Variants in MRTFB observed in about 807,000 individuals in gnomAD.
MRTFB encodes the protein myocardin-related transcription factor B.
In MRTFB, 29 loss-of-function variants were observed where a neutral mutation model predicts 104.2. The observed-to-expected ratio is 0.28, with a 90% CI of 0.21 to 0.38. The LOEUF (loss-of-function observed/expected upper bound fraction) is 0.38, where lower values mean the gene tolerates loss of function less well. Among genes scored for constraint, MRTFB ranks in the 10% least tolerant of loss-of-function variants. The probability of loss-of-function intolerance (pLI) is 1.00; values close to 1 mark genes in which losing one functional copy is unlikely to be tolerated. For synonymous variants in MRTFB, 535 were observed against 519.5 expected (o/e 1.03, Z -0.41); for missense variants, 1,270 against 1,341.6 (o/e 0.95, Z 0.83).
chr16:14,191,466 T>C (rs1163221891), intron 3 of MRTFB, among the ~76,000 whole-genome samples: 1 of 152,230 alleles, frequency 6.6e-6, no homozygotes, highest in Non-Finnish European at 1.5e-5. Flanking sequence ...ATCTGTACCA[T>C]TCTATGGCAT....
rs771535495 is a variant in MRTFB at position 14,247,458 on chromosome 16, G to T, written c.2198G>T (p.Gly733Val). The change falls in exon 12 of 17, where the codon GGC (glycine) becomes GTC (valine). Residue 733 changes from glycine to valine, a missense_variant. By Grantham distance (109) the Gly-to-Val change is moderately radical (BLOSUM62 -3). Coordinates refer to ENST00000571589, the MANE Select transcript of MRTFB (RefSeq NM_001308142.2). ...CTGCTGCTCCCAGTGTCCATCCAGG[G>T]CTCGAGTGTCACCTCAGTGCAACTC... ...AQLLLPVSIQ[G>V]SSVTSVQLPV... 2 of 1,593,398 alleles carry T rather than the reference G, an allele frequency of 1.3e-6. No individual in the cohort carries two copies. Among genetic ancestry groups the T allele is most frequent in the South Asian group, 1.1e-5 (1 of 89,220 alleles).
At chr16:14,070,419 C>G (rs891312820), upstream of MRTFB, among the ~76,000 whole-genome samples, 9 of 152,216 alleles carry the variant, frequency 5.9e-5, no homozygotes, top group African/African-American at 2.2e-4. Flanking sequence ...TTTCTGTGTG[C>G]TAACATCATG....
upstream of MRTFB, among the ~76,000 whole-genome samples, chr16:14,069,267 A>G (rs1472064363): frequency 1.3e-5 from 2 of 149,182 alleles, no homozygotes; most frequent in African/African-American, 4.9e-5. Flanking sequence ...CACTGCGCCC[A>G]GCCCAGGTTC....
chr16:14,154,113 G>A (rs368716426), intron 3 of MRTFB, among the ~76,000 whole-genome samples: 7 of 152,266 alleles, frequency 4.6e-5, no homozygotes, highest in East Asian at 3.9e-4. Context: ...TGAGAAGATC[G>A]TTTGAACCCA....
chr16:14,181,247 T>C (rs2039761125), intron 3 of MRTFB, among the ~76,000 whole-genome samples: 1 of 152,190 alleles, frequency 6.6e-6, no homozygotes, highest in Non-Finnish European at 1.5e-5. Context: ...AACCATTTAG[T>C]AACAGTCTAA....
intron 2 of MRTFB, among the ~76,000 whole-genome samples, chr16:14,138,616 T>C (rs1178557728): frequency 6.6e-6 from 1 of 152,208 alleles, no homozygotes; most frequent in East Asian, 1.9e-4. Context: ...CTCAGTTCAG[T>C]TCTTTTTGCC....
chr16:14,257,298 C>A (rs992826026), intron 15 of MRTFB, among the ~76,000 whole-genome samples: 2 of 152,102 alleles, frequency 1.3e-5, no homozygotes, highest in African/African-American at 4.8e-5. Flanking sequence ...CACAAATGTT[C>A]ACAACAACTT....
chr16:14,090,479 C>G (rs1487669108), intron 2 of MRTFB, among the ~76,000 whole-genome samples: 1 of 152,148 alleles, frequency 6.6e-6, no homozygotes, highest in Non-Finnish European at 1.5e-5. Flanking sequence ...CTTTGCAGGG[C>G]TTGGGGATCC....
At chr16:14,259,744 G>C (rs1365139132) in intron 16 of MRTFB, among the ~76,000 whole-genome samples, 3 of 152,256 alleles carry the variant, frequency 2.0e-5, no homozygotes, top group African/African-American at 7.2e-5. Context: ...AACAGTGCAA[G>C]ACTCCGTCTC....
intron 15 of MRTFB, 134 bp from the exon 16 acceptor site, chr16:14,257,967 G>A: frequency 2.8e-6 from 2 of 722,714 alleles, no homozygotes; most frequent in East Asian, 2.8e-5. Context: ...AACTTCTCAG[G>A]TGACCTCAGT....
intron 2 of MRTFB, among the ~76,000 whole-genome samples, chr16:14,087,355 C>T (rs534886139): frequency 6.6e-6 from 1 of 152,258 alleles, no homozygotes; most frequent in South Asian, 2.1e-4. Context: ...GAGAAATTTC[C>T]TTCCTTCCTA....
chr16:14,129,427 A>T (rs1327504693), intron 2 of MRTFB, among the ~76,000 whole-genome samples: 1 of 152,216 alleles, frequency 6.6e-6, no homozygotes, highest in Non-Finnish European at 1.5e-5. Context: ...TCATTAGGAT[A>T]TACCACATTT....
intron 2 of MRTFB, among the ~76,000 whole-genome samples, chr16:14,103,636 T>G (rs2035816809): frequency 6.6e-6 from 1 of 152,164 alleles, no homozygotes; most frequent in African/African-American, 2.4e-5. Flanking sequence ...GTTATACACA[T>G]TGGCCAGTTT....
At chr16:14,253,570 G>A (rs2043345330) in intron 15 of MRTFB, among the ~76,000 whole-genome samples, 1 of 152,210 alleles carries the variant, frequency 6.6e-6, no homozygotes, top group African/African-American at 2.4e-5. Flanking sequence ...CACCCAGGGA[G>A]TATGCAGTCA....
chr16:14,117,026 T>C (rs2036575969), intron 2 of MRTFB, among the ~76,000 whole-genome samples: 2 of 152,190 alleles, frequency 1.3e-5, no homozygotes, highest in South Asian at 4.1e-4. Context: ...TCTCGGGACA[T>C]GGCATGTGAG....
the MRTFB span, among the ~76,000 whole-genome samples, chr16:14,058,120 G>A: frequency 6.6e-6 from 1 of 152,214 alleles, no homozygotes; most frequent in Non-Finnish European, 1.5e-5. Context: ...GGCTTGGCAG[G>A]CACCAACTTC....
chr16:14,012,177 G>A, the MRTFB span, among the ~76,000 whole-genome samples: 4 of 151,740 alleles, frequency 2.6e-5, no homozygotes, highest in South Asian at 2.1e-4. Context: ...TTTACTCAAC[G>A]CAGGTGCAAA....
At chr16:14,164,623 A>G (rs963667648) in intron 3 of MRTFB, among the ~76,000 whole-genome samples, 4 of 152,168 alleles carry the variant, frequency 2.6e-5, no homozygotes, top group African/African-American at 9.7e-5. Context: ...ACCTAATTTT[A>G]TTAGTGGCTT....
intron 3 of MRTFB, among the ~76,000 whole-genome samples, chr16:14,166,137 T>C (rs1006673495): frequency 9.2e-5 from 14 of 152,172 alleles, no homozygotes; most frequent in African/African-American, 3.1e-4. Context: ...GGATAACATA[T>C]TACTTTCTAA....
Sources: allele counts gnomAD v4.1 joint callset (sites outside exome capture counted in the v4.1 genomes callset), GRCh38; gene constraint gnomAD v4.1.1; transcripts MANE v1.5; gene names NCBI Gene and HGNC (gene_info 2026-07-23, HGNC 2026-07-21).